The following ARHGAP25 variants were observed in gnomAD, a reference collection of about 807,000 sequenced individuals.
The protein encoded by ARHGAP25 is rho GTPase-activating protein 25.
Under a neutral mutation model 71.0 loss-of-function variants are expected in ARHGAP25, and 34 were observed. The observed-to-expected ratio is 0.48, with a 90% CI of 0.36 to 0.64. The LOEUF is 0.64. Ranked by LOEUF, ARHGAP25 falls within the 30% of genes least tolerant of loss-of-function variation. The pLI, the probability that ARHGAP25 is intolerant of heterozygous loss-of-function variation, is 0.00. For synonymous variants in ARHGAP25, 282 were observed against 296.5 expected, an observed-to-expected ratio of 0.95 and a Z score of 0.50; for missense variants, 706 against 805.1, an observed-to-expected ratio of 0.88 and a Z score of 1.49.
In ARHGAP25 at chr2:68,826,408, T is replaced by G. The variant is rs1682140440; in HGVS notation, c.*214T>G. 1 of 671,628 alleles carries G rather than the reference T, an allele frequency of 1.5e-6. No homozygotes were observed. 41.6% of individuals were successfully genotyped at this position (671,628 alleles called of 1,614,324 possible). On this transcript the variant is annotated 3_prime_UTR_variant, in exon 11 of 11. Transcript: ENST00000409202. ...GGACATCTCTGACCATCCATCGCTG[T>G]ATTCAAATGGATTGTTTTATTCCAT... is the stretch of plus-strand genomic sequence containing the variant.
At chr2:68,810,756 A>G (rs1398299682) in intron 5 of ARHGAP25, among the ~76,000 whole-genome samples, 2 of 131,442 alleles carry the variant, frequency 1.5e-5, no homozygotes, top group Non-Finnish European at 3.2e-5. Context: ...TTTTTTTGAG[A>G]CCAAGGCTAG....
intron 4 of ARHGAP25, among the ~76,000 whole-genome samples, chr2:68,804,016 G>A (rs1297521551): frequency 6.6e-6 from 1 of 152,168 alleles, no homozygotes; most frequent in African/African-American, 2.4e-5. Flanking sequence ...GTAGGAAGCA[G>A]CAGGGCGGGG....
In ARHGAP25 at chr2:68,826,087, C is replaced by T. The variant is rs942770478; in HGVS notation, c.1834C>T (p.Arg612Cys). ...KKSAALEISLRNMERSREDVE... is the reference protein window; with the variant it reads ...KKSAALEISLCNMERSREDVE... ...GTCTGCAGCCCTAGAGATCAGCCTCCGCAACATGGAGCGCTCCCGGGAGGA... is the reference window on the plus strand; with the variant it reads ...GTCTGCAGCCCTAGAGATCAGCCTCTGCAACATGGAGCGCTCCCGGGAGGA... The change falls in exon 11 of 11, where the codon CGC (arginine) becomes TGC (cysteine). Residue 612 changes from arginine to cysteine, a missense_variant. Physicochemically the swap from Arg to Cys is radical, Grantham distance 180. Transcript: ENST00000409202. 15 of 1,613,910 alleles carry T rather than the reference C, an allele frequency of 9.3e-6. No homozygotes were observed. Among genetic ancestry groups the T allele is most frequent in the East Asian group, 4.5e-5 (2 of 44,890 alleles).
At chr2:68,739,602 T>A (rs1208940061) in intron 1 of ARHGAP25, among the ~76,000 whole-genome samples, 3 of 152,172 alleles carry the variant, frequency 2.0e-5, no homozygotes, top group Admixed American at 6.5e-5. Flanking sequence ...AGTCGAGTGG[T>A]CTGAACTTGT....
chr2:68,774,534 G>C (rs1677697725), intron 1 of ARHGAP25, among the ~76,000 whole-genome samples: 1 of 152,206 alleles, frequency 6.6e-6, no homozygotes, highest in South Asian at 2.1e-4. Flanking sequence ...AGCAGTGAGC[G>C]CCTTGTACAG....
upstream of ARHGAP25, among the ~76,000 whole-genome samples, chr2:68,731,273 A>G (rs1317017831): frequency 2.0e-5 from 3 of 151,774 alleles, no homozygotes; most frequent in East Asian, 5.8e-4. Context: ...TGCGTGCCCC[A>G]TCTCTGTGAT....
chr2:68,736,331 A>AT (rs1377516228), intron 1 of ARHGAP25, among the ~76,000 whole-genome samples: 1 of 152,200 alleles, frequency 6.6e-6, no homozygotes, highest in Non-Finnish European at 1.5e-5. Flanking sequence ...CAAGCTGTGA[A>AT]TGATTGTATG....
At position 68,826,179 on chromosome 2, in the gene ARHGAP25, C is replaced by CA. The variant is rs1452302289; in HGVS notation, c.1928dup (p.Thr644AspfsTer52). The CA allele has an allele frequency of 6.2e-7, 1 of 1,614,012 alleles. No homozygotes were observed. Among genetic ancestry groups the CA allele is most frequent in the East Asian group, 2.2e-5 (1 of 44,902 alleles). ...AATTTGTCAAATCCATGAAGGAACC[C>CA]AAGACCGAGGCTTAAGGGTCCCAGG... On this transcript the variant is annotated frameshift_variant, in exon 11 of 11. Coordinates refer to ENST00000409202, the MANE Select transcript of ARHGAP25 (RefSeq NM_001007231.3). LOFTEE classifies it high-confidence loss of function.
intron 1 of ARHGAP25, chr2:68,774,970 G>GC: frequency 7.0e-7 from 1 of 1,430,340 alleles, no homozygotes; most frequent in Non-Finnish European, 9.1e-7. Flanking sequence ...GTGCCGGACT[G>GC]CCTGTGCACG....
chr2:68,731,296 C>T (rs190327083), upstream of ARHGAP25, among the ~76,000 whole-genome samples: 45 of 152,242 alleles, frequency 3.0e-4, no homozygotes, highest in East Asian at 8.3e-3. Flanking sequence ...GAACTACACC[C>T]TTCCAGTGAC....
intron 1 of ARHGAP25, among the ~76,000 whole-genome samples, chr2:68,760,428 T>C (rs891402627): frequency 3.3e-5 from 5 of 152,026 alleles, no homozygotes; most frequent in Non-Finnish European, 7.4e-5. Context: ...TAATCTTATA[T>C]GCAGAAAATC....
intron 2 of ARHGAP25, among the ~76,000 whole-genome samples, chr2:68,714,941 C>T (rs115522526): frequency 1.3e-3 from 196 of 152,284 alleles, no homozygotes; most frequent in African/African-American, 4.5e-3. Flanking sequence ...TCTCACTTCC[C>T]TTCCTCCCCT....
In ARHGAP25 at chr2:68,819,184, C is replaced by G. The variant is rs147150060; in HGVS notation, c.1065C>G (p.Pro355=). ...TCAGAGACCATGAAGTCCTCTTCCC[C>G]AAGTCCAAGGATATACCCCTGTCAC... ...MMIRDHEVLF[P]KSKDIPLSPP... The change falls in exon 9 of 11, where the codon CCC becomes CCG. Residue 355 remains proline, a synonymous_variant. Coordinates refer to ENST00000409202, the MANE Select transcript of ARHGAP25 (RefSeq NM_001007231.3). 2.1e-3 allele frequency: 3,307 copies of G among 1,607,962 alleles called. 4 individuals are homozygous for G. Among genetic ancestry groups the G allele is most frequent in the Non-Finnish European group, 2.5e-3 (2,968 of 1,176,724 alleles).
rs148063695 is a variant in ARHGAP25 at position 68,773,607 on chromosome 2, G to C, written c.62-1614G>C. Among the ~76,000 whole-genome samples the C allele has an allele frequency of 2.0e-5, 3 of 152,280 alleles. No homozygotes were observed. The East Asian group carries it at 5.8e-4, about 29-fold the overall frequency. ...AGAAACCCAATCCCCACCATTAGGC[G>C]ATGGACTCATGTAACAAACCAGCAC... On this transcript the variant is annotated intron_variant, in intron 1 of 10. Transcript: ENST00000409202.
At chr2:68,809,558 G>C (rs151132657) in intron 5 of ARHGAP25, among the ~76,000 whole-genome samples, 162 of 152,204 alleles carry the variant, frequency 1.1e-3, no homozygotes, top group African/African-American at 3.7e-3. Context: ...GTGTGAAAGG[G>C]GGTGGAAAGA....
chr2:68,725,740 A>G (rs1205895539), intron 2 of ARHGAP25, among the ~76,000 whole-genome samples: 5 of 152,022 alleles, frequency 3.3e-5, no homozygotes, highest in Admixed American at 2.0e-4. Context: ...TTCGTCCCCT[A>G]TTACCTTGTT....
chr2:68,754,280 C>T (rs1676352614), intron 1 of ARHGAP25, among the ~76,000 whole-genome samples: 1 of 144,554 alleles, frequency 6.9e-6, no homozygotes, highest in African/African-American at 2.6e-5. Context: ...AAACCTTGGA[C>T]AACCACTCAT....
At chr2:68,795,815 T>C (rs1416790865) in intron 4 of ARHGAP25, among the ~76,000 whole-genome samples, 1 of 152,180 alleles carries the variant, frequency 6.6e-6, no homozygotes, top group Non-Finnish European at 1.5e-5. Context: ...CTTTTAAATT[T>C]ATTTTCTGTC....
intron 4 of ARHGAP25, among the ~76,000 whole-genome samples, chr2:68,799,730 C>T (rs549852527): frequency 2.0e-5 from 3 of 151,888 alleles, no homozygotes; most frequent in South Asian, 2.1e-4. Context: ...AGGTGAGTGG[C>T]GAGGGGAAGT....
Sources: gnomAD v4.1 joint callset for allele counts (sites outside exome capture counted in the v4.1 genomes callset) on GRCh38, gnomAD v4.1.1 for gene constraint, MANE v1.5 for transcripts, NCBI Gene and HGNC (gene_info 2026-07-23, HGNC 2026-07-21) for gene names.